PFKFB3: variants seen among roughly 807,000 people sequenced by gnomAD.
PFKFB3 encodes 6-phosphofructo-2-kinase/fructose-2,6-biphosphatase 3, also known as 6-phosphofructo-2-kinase/fructose-2,6-bisphosphatase 3.
A neutral mutation model predicts 68.0 loss-of-function variants in PFKFB3; 33 were observed. The ratio of observed to expected loss-of-function variants is 0.49; its 90% CI spans 0.37 to 0.65. The LOEUF (loss-of-function observed/expected upper bound fraction) is 0.65. Among genes scored for constraint, PFKFB3 ranks in the 30% least tolerant of loss-of-function variants. The pLI is 0.00. For synonymous variants in PFKFB3, 315 were observed against 288.2 expected (o/e 1.09, Z -0.94); for missense variants, 586 against 712.2 (o/e 0.82, Z 2.02).
chr10:6,169,354 G>T (rs886192801), intron 1 of PFKFB3, among the ~76,000 whole-genome samples: 1 of 152,172 alleles, frequency 6.6e-6, no homozygotes, highest in Non-Finnish European at 1.5e-5. Context: ...TTGTGATTGG[G>T]ACTCTGGCGG....
rs1845899689 is a variant in PFKFB3, at chr10:6,234,133, C to G, written c.*1191C>G. Reference sequence around the variant, plus strand: ...TCGTCTCAGCCTGTTGGTTTCTCCTCATTGCCTCAAACCCTGGGGTAGGTG... The same window carrying G: ...TCGTCTCAGCCTGTTGGTTTCTCCTGATTGCCTCAAACCCTGGGGTAGGTG... On this transcript the variant is annotated 3_prime_UTR_variant, in exon 15 of 15. Coordinates refer to ENST00000379775, the MANE Select transcript of PFKFB3 (RefSeq NM_004566.4). 1 of 152,472 alleles carries G rather than the reference C, an allele frequency of 6.6e-6. No homozygotes were observed. The highest frequency in any genetic ancestry group is 2.4e-5 in the African/African-American group (1 of 41,468). The allele number at this position is 152,472 out of a possible 1,614,324, so 9.4% of individuals were successfully genotyped here. A position where few individuals can be genotyped will look rare whatever the true frequency, so the allele number is the denominator to read the frequency against.
the PFKFB3 span, among the ~76,000 whole-genome samples, chr10:6,319,980 C>T: frequency 6.6e-6 from 1 of 152,186 alleles, no homozygotes; most frequent in African/African-American, 2.4e-5. Flanking sequence ...AGGAGGATCA[C>T]TTGAGCCCAA....
In PFKFB3 at chr10:6,233,294, G is replaced by A. The variant is rs1260659811; in HGVS notation, c.*352G>A. On this transcript the variant is annotated 3_prime_UTR_variant, in exon 15 of 15. Transcript: ENST00000379775. ...TGGGGACACTGTGCTGTTTTGTTTCGTTTCTGTGATCTCCCGGCACGTTTG... is the reference window on the plus strand; with the variant it reads ...TGGGGACACTGTGCTGTTTTGTTTCATTTCTGTGATCTCCCGGCACGTTTG... 8.8e-6 allele frequency: 2 copies of A among 226,194 alleles called. No homozygotes were observed. Among genetic ancestry groups the A allele is most frequent in the African/African-American group, 2.3e-5 (1 of 44,088 alleles). 14.0% of individuals were successfully genotyped at this position (226,194 alleles called of 1,614,324 possible).
At chr10:6,205,318 G>A (rs546581310) in intron 1 of PFKFB3, among the ~76,000 whole-genome samples, 7 of 151,250 alleles carry the variant, frequency 4.6e-5, no homozygotes, top group African/African-American at 1.5e-4. Flanking sequence ...TTTCTATTTG[G>A]TATCTTTCCT....
intron 1 of PFKFB3, among the ~76,000 whole-genome samples, chr10:6,184,178 G>A (rs1393434139): frequency 1.3e-5 from 2 of 151,582 alleles, no homozygotes; most frequent in East Asian, 1.9e-4. Context: ...TCAGCCTCCC[G>A]AGTAGCTGGG....
chr10:6,201,455 G>C (rs1300548815), upstream of PFKFB3, among the ~76,000 whole-genome samples: 1 of 147,868 alleles, frequency 6.8e-6, no homozygotes, highest in South Asian at 2.2e-4. The surrounding 1 kb of genome is among the most constrained non-coding windows in gnomAD (Gnocchi z 4.1). Context: ...AGGCGGGAGG[G>C]GGAGTGGGGG....
the PFKFB3 span, among the ~76,000 whole-genome samples, chr10:6,297,031 C>A: frequency 6.6e-6 from 1 of 152,298 alleles, no homozygotes; most frequent in South Asian, 2.1e-4. Flanking sequence ...CTGTGTATGA[C>A]CAACCATGCT....
chr10:6,216,615 A>G (rs1044298655), intron 4 of PFKFB3, 91 bp from the exon 5 acceptor site: 3 of 894,522 alleles, frequency 3.4e-6, no homozygotes, highest in Non-Finnish European at 5.6e-6. Context: ...TTATTCCTGG[A>G]GATGATGGGT....
chr10:6,146,500 T>C (rs1448251219), intron 1 of PFKFB3: 1 of 1,534,742 alleles, frequency 6.5e-7, no homozygotes, highest in Non-Finnish European at 8.7e-7. Context: ...AATCCAGGTA[T>C]GATTCGGCCA....
At chr10:6,158,861 C>T (rs1475082434) in intron 1 of PFKFB3, among the ~76,000 whole-genome samples, 1 of 149,366 alleles carries the variant, frequency 6.7e-6, no homozygotes, top group African/African-American at 2.5e-5. Context: ...CAAAGCAAGA[C>T]TCCATCTCAA....
chr10:6,187,491 G>C (rs931627467), intron 1 of PFKFB3, among the ~76,000 whole-genome samples: 1 of 152,238 alleles, frequency 6.6e-6, no homozygotes, highest in African/African-American at 2.4e-5. Flanking sequence ...TGTACAGTAA[G>C]TGATGAGATG....
At chr10:6,205,865 A>C (rs1272647826) in intron 1 of PFKFB3, among the ~76,000 whole-genome samples, 1 of 151,938 alleles carries the variant, frequency 6.6e-6, no homozygotes, top group Non-Finnish European at 1.5e-5. Context: ...TGGTGCGACC[A>C]TAGCTCACTG....
chr10:6,273,423 A>T, the PFKFB3 span, among the ~76,000 whole-genome samples: 1 of 151,990 alleles, frequency 6.6e-6, no homozygotes, highest in African/African-American at 2.4e-5. Flanking sequence ...CCGCCATGCA[A>T]CCTACAATCG....
At chr10:6,300,790 G>A in the PFKFB3 span, among the ~76,000 whole-genome samples, 3 of 152,178 alleles carry the variant, frequency 2.0e-5, no homozygotes, top group Non-Finnish European at 2.9e-5. Flanking sequence ...AATCCTCCTA[G>A]ATTCCTTCCT....
In PFKFB3 at chr10:6,226,302, C is replaced by T. The variant is rs1227897264; in HGVS notation, c.1452C>T (p.Ala484=). ...TCAACAGCTTTGAGGAGCATGTGGC[C>T]TCCACCTCGGCCGCCCTGCCCAGCT... ...PRINSFEEHV[A]STSAALPSCL... The change falls in exon 14 of 15, where the codon GCC becomes GCT. Residue 484 remains alanine (A), a synonymous_variant. Coordinates refer to ENST00000379775, the MANE Select transcript of PFKFB3 (RefSeq NM_004566.4). 6 of 1,614,064 alleles carry T rather than the reference C, an allele frequency of 3.7e-6. No homozygotes were observed. Among genetic ancestry groups the T allele is most frequent in the African/African-American group, 2.7e-5 (2 of 74,932 alleles).
At chr10:6,231,401 G>T in intron 14 of PFKFB3, 1 of 1,592,098 alleles carries the variant, frequency 6.3e-7, no homozygotes, top group Non-Finnish European at 8.5e-7. Context: ...GCAATGCGGG[G>T]CTCATCTGTC....
intron 1 of PFKFB3, among the ~76,000 whole-genome samples, chr10:6,189,802 A>G (rs1842977239): frequency 6.6e-6 from 1 of 151,948 alleles, no homozygotes. Flanking sequence ...GGCGTGAGCC[A>G]CTGCACCTGG....
intron 1 of PFKFB3, among the ~76,000 whole-genome samples, chr10:6,153,200 GAAAT>G (rs61612856): frequency 0.21 from 25,285 of 119,676 alleles, 2,310 homozygotes; most frequent in South Asian, 0.3. Context: ...AAGAAAGAAA[GAAAT>G]AAGAACAGAG....
At position 6,228,136 on chromosome 10, in the gene PFKFB3, C is replaced by G; in HGVS notation, c.1515+1771C>G. 6.2e-7 allele frequency: 1 copy of G among 1,601,128 alleles called. No individual in the cohort carries two copies. Among genetic ancestry groups the G allele is most frequent in the East Asian group, 2.2e-5 (1 of 44,818 alleles). On this transcript the variant is annotated intron_variant, in intron 14 of 14. Transcript: ENST00000379775. The surrounding 1 kb of genome is among the most constrained non-coding windows in gnomAD (Gnocchi z 4.5). Reference sequence around the variant, plus strand: ...GCCGGCGTGGGGTTTTTCAGGGCTTCGTCCCTGCAGATTGCGCCCTGCCTC... The same window carrying G: ...GCCGGCGTGGGGTTTTTCAGGGCTTGGTCCCTGCAGATTGCGCCCTGCCTC...
Sources: gnomAD v4.1 joint callset for allele counts (sites outside exome capture counted in the v4.1 genomes callset) on GRCh38, gnomAD v4.1.1 for gene constraint, Gnocchi (gnomAD v3.1) non-coding constraint, MANE v1.5 for transcripts, NCBI Gene and HGNC (gene_info 2026-07-23, HGNC 2026-07-21) for gene names.